PRKG1: variants seen among roughly 807,000 people sequenced by gnomAD.
PRKG1 encodes cGMP-dependent protein kinase 1.
In PRKG1, 35 loss-of-function variants were observed where a neutral mutation model predicts 88.1. That is an observed-to-expected ratio of 0.40 (90% CI 0.30 to 0.53). PRKG1 has a LOEUF of 0.53. PRKG1 is among the 20% of genes least tolerant of loss of function. The pLI is 0.59. For missense variants in PRKG1, 540 were observed against 839.8 expected (o/e 0.64, Z 4.41); for synonymous variants, 303 against 292.5 (o/e 1.04, Z -0.37).
At chr10:51,703,066 G>T (rs550041288) in intron 3 of PRKG1, among the ~76,000 whole-genome samples, 30 of 152,168 alleles carry the variant, frequency 2.0e-4, no homozygotes, top group African/African-American at 7.2e-4. Context: ...TAGAAAATCG[G>T]TACATTAACT....
intron 2 of PRKG1, among the ~76,000 whole-genome samples, chr10:51,396,784 C>T (rs916526967): frequency 2.0e-5 from 3 of 152,204 alleles, no homozygotes; most frequent in Non-Finnish European, 4.4e-5. Context: ...CTAACAATAA[C>T]ATTTTGAACT....
chr10:51,172,611 T>C (rs1473406530), intron 2 of PRKG1, among the ~76,000 whole-genome samples: 2 of 34,660 alleles, frequency 5.8e-5, no homozygotes, highest in African/African-American at 3.2e-4. Context: ...TATGTATGTA[T>C]GTATGTATGT....
rs543406186 is a variant in PRKG1 at position 52,297,835 on chromosome 10, T to C, written c.*3935T>C. On this transcript the variant is annotated 3_prime_UTR_variant, in exon 18 of 18. Coordinates refer to ENST00000373980, the MANE Select transcript of PRKG1 (RefSeq NM_006258.4). The stretch of plus-strand genomic sequence containing the variant: ...AACCAATGATGAAAAAGTCACTTGG[T>C]GCACCTCTCAACAAAACAGGATGCT... 1 of 152,300 alleles carries C rather than the reference T, an allele frequency of 6.6e-6. No individual in the cohort carries two copies. The highest frequency in any genetic ancestry group is 1.5e-5 in the Non-Finnish European group (1 of 68,014). 9.4% of individuals were successfully genotyped at this position (152,300 alleles called of 1,614,324 possible).
intron 2 of PRKG1, among the ~76,000 whole-genome samples, chr10:51,279,641 T>G (rs1170862605): frequency 1.3e-5 from 2 of 152,236 alleles, no homozygotes; most frequent in African/African-American, 2.4e-5. Flanking sequence ...ATGGCCTTCT[T>G]TGTCTCTTTT....
intron 3 of PRKG1, among the ~76,000 whole-genome samples, chr10:51,650,209 T>A (rs920930748): frequency 2.0e-5 from 3 of 152,164 alleles, no homozygotes; most frequent in Admixed American, 6.5e-5. Context: ...TTTTTCCCTC[T>A]TGTGGAATCT....
chr10:52,080,111 TA>T (rs1398497055), intron 7 of PRKG1, among the ~76,000 whole-genome samples: 1 of 152,180 alleles, frequency 6.6e-6, no homozygotes, highest in Admixed American at 6.5e-5. Context: ...TATACTAGAA[TA>T]AAAACCTAAA....
intron 5 of PRKG1, among the ~76,000 whole-genome samples, chr10:51,991,163 T>C (rs1432969063): frequency 2.0e-5 from 3 of 152,170 alleles, no homozygotes; most frequent in Non-Finnish European, 4.4e-5. Context: ...GAAATGCTAC[T>C]GATTATTCCT....
intron 5 of PRKG1, among the ~76,000 whole-genome samples, chr10:51,959,249 C>T (rs755377182): frequency 6.6e-6 from 1 of 152,080 alleles, no homozygotes; most frequent in African/African-American, 2.4e-5. Context: ...TATGCAATCA[C>T]AGAGTAATTA....
At chr10:51,176,588 A>G (rs1320425301) in intron 2 of PRKG1, among the ~76,000 whole-genome samples, 1 of 152,214 alleles carries the variant, frequency 6.6e-6, no homozygotes, top group Admixed American at 6.6e-5. Context: ...GAAAAGTTCA[A>G]AGATGGAAAG....
chr10:51,034,578 G>A (rs548762759), intron 1 of PRKG1, among the ~76,000 whole-genome samples: 45 of 147,660 alleles, frequency 3.0e-4, no homozygotes, highest in Non-Finnish European at 4.6e-4. Context: ...TCTAATTGCT[G>A]TATACACTAA....
At chr10:51,678,260 AT>A (rs1029531725) in intron 3 of PRKG1, among the ~76,000 whole-genome samples, 8 of 152,148 alleles carry the variant, frequency 5.3e-5, no homozygotes, top group African/African-American at 1.9e-4. Flanking sequence ...GAAGCCATTG[AT>A]TGGGAGGGTC....
At chr10:51,365,896 T>C (rs535454247) in intron 2 of PRKG1, among the ~76,000 whole-genome samples, 1 of 151,818 alleles carries the variant, frequency 6.6e-6, no homozygotes, top group Admixed American at 6.6e-5. Context: ...AATCTTTTTT[T>C]TCCTCTCCAT....
At chr10:52,121,642 G>A (rs1275010185) in intron 7 of PRKG1, among the ~76,000 whole-genome samples, 1 of 152,162 alleles carries the variant, frequency 6.6e-6, no homozygotes, top group African/African-American at 2.4e-5. Context: ...AATTCAGCCA[G>A]GTTCTTTGCC....
chr10:51,618,514 C>G (rs1011969598), intron 3 of PRKG1, among the ~76,000 whole-genome samples: 1 of 152,146 alleles, frequency 6.6e-6, no homozygotes, highest in Non-Finnish European at 1.5e-5. Context: ...TTAATATATA[C>G]TAGCCCCTAT....
intron 5 of PRKG1, among the ~76,000 whole-genome samples, chr10:51,953,202 T>G (rs1843225106): frequency 6.6e-6 from 1 of 152,174 alleles, no homozygotes; most frequent in Admixed American, 6.5e-5. Flanking sequence ...ATAATTTGTG[T>G]GCTGTATTTA....
chr10:51,975,658 T>C (rs1053898170), intron 5 of PRKG1, among the ~76,000 whole-genome samples: 1 of 152,126 alleles, frequency 6.6e-6, no homozygotes, highest in African/African-American at 2.4e-5. Flanking sequence ...GTTTTCTACC[T>C]GAGTCAGGTT....
chr10:51,423,049 A>G (rs1450416656), intron 2 of PRKG1, among the ~76,000 whole-genome samples: 2 of 151,916 alleles, frequency 1.3e-5, no homozygotes, highest in Non-Finnish European at 2.9e-5. Context: ...GCCAAATAAT[A>G]GTGGTTTGAA....
intron 9 of PRKG1, among the ~76,000 whole-genome samples, chr10:52,174,915 G>A (rs1475878644): frequency 6.6e-6 from 1 of 151,834 alleles, no homozygotes; most frequent in Non-Finnish European, 1.5e-5. Context: ...ATATAATGAT[G>A]TTCCAATACA....
At chr10:51,021,896 G>T (rs1843142317) in intron 1 of PRKG1, among the ~76,000 whole-genome samples, 2 of 152,020 alleles carry the variant, frequency 1.3e-5, no homozygotes, top group South Asian at 4.1e-4. Flanking sequence ...GGCCAGGCTG[G>T]TCTCGAACTC....
Sources: gnomAD v4.1 joint callset for allele counts (sites outside exome capture counted in the v4.1 genomes callset) on GRCh38, gnomAD v4.1.1 for gene constraint, MANE v1.5 for transcripts, NCBI Gene and HGNC (gene_info 2026-07-23, HGNC 2026-07-21) for gene names.